The following PHLDB2 variants were observed in gnomAD, a reference collection of about 807,000 sequenced individuals.
The protein encoded by PHLDB2 is pleckstrin homology like domain family B member 2.
PHLDB2 carries 71 observed loss-of-function variants against 123.6 expected under a neutral mutation model. The ratio of observed to expected loss-of-function variants is 0.57; its 90% CI spans 0.47 to 0.70. The LOEUF (loss-of-function observed/expected upper bound fraction) is 0.70. PHLDB2 is among the 30% of genes least tolerant of loss of function. The pLI, the probability that PHLDB2 is intolerant of heterozygous loss-of-function variation, is 0.00. For missense variants in PHLDB2, 1,446 were observed against 1,519.5 expected (o/e 0.95, Z 0.80); for synonymous variants, 547 against 541.6 (o/e 1.01, Z -0.14).
chr3:111,876,951 T>G (rs1296905070), intron 1 of PHLDB2, among the ~76,000 whole-genome samples: 1 of 152,276 alleles, frequency 6.6e-6, no homozygotes, highest in African/African-American at 2.4e-5. Flanking sequence ...TGCTACATTT[T>G]CTTTATCCAG....
In PHLDB2 at chr3:111,862,487, A is replaced by C. The variant is rs569854845; in HGVS notation, c.-15+2911A>C. 5.3e-5 allele frequency among the ~76,000 whole-genome samples: 8 copies of C among 152,284 alleles called. No individual in the cohort carries two copies. The East Asian group carries it at 1.5e-3, about 29-fold the overall frequency. On this transcript the variant is annotated intron_variant, in intron 1 of 17. Transcript: ENST00000431670. ...TTTGGTTGTAGCAACTGACAGGAGG[A>C]GAGTGCTACTGCCATATAGTGGGTA...
At chr3:111,939,430 G>T in intron 6 of PHLDB2, 45 bp from the exon 7 acceptor site, 1 of 1,560,762 alleles carries the variant, frequency 6.4e-7, no homozygotes, top group Non-Finnish European at 8.7e-7. Context: ...TAAGAAGGTG[G>T]TAGTTATCTC....
intron 2 of PHLDB2, among the ~76,000 whole-genome samples, chr3:111,891,604 G>A (rs1028696402): frequency 6.6e-6 from 1 of 151,984 alleles, no homozygotes; most frequent in Non-Finnish European, 1.5e-5. Context: ...GAAATAAAGT[G>A]CCCAATAAAT....
At chr3:111,815,838 C>T (rs979270272) in intron 1 of PHLDB2, among the ~76,000 whole-genome samples, 3 of 152,232 alleles carry the variant, frequency 2.0e-5, no homozygotes, top group South Asian at 4.1e-4. Context: ...CAGGGCATGT[C>T]GAGGTCTTTA....
chr3:111,975,583 T>C lies in PHLDB2; in HGVS notation c.*1020T>C, dbSNP rs548952577. 6.6e-6 allele frequency: 1 copy of C among 152,338 alleles called. No homozygotes were observed. Among genetic ancestry groups the C allele is most frequent in the Non-Finnish European group, 1.5e-5 (1 of 68,040 alleles). 9.4% of individuals were successfully genotyped at this position (152,338 alleles called of 1,614,324 possible). On this transcript the variant is annotated 3_prime_UTR_variant, in exon 18 of 18. Coordinates refer to ENST00000431670, the MANE Select transcript of PHLDB2 (RefSeq NM_001134438.2). ...AACATACTTATTTGCAGAAGTGGTG[T>C]AGTTCTATAAAACGGCAAATGAAGT...
chr3:111,814,291 G>GA (rs1208092973), intron 1 of PHLDB2, among the ~76,000 whole-genome samples: 428 of 117,944 alleles, frequency 3.6e-3, no homozygotes, highest in African/African-American at 0.012. Flanking sequence ...ATATAAGCAG[G>GA]AAAAAAAAAT....
At chr3:111,837,483 C>T (rs1237308829) in intron 1 of PHLDB2, among the ~76,000 whole-genome samples, 1 of 152,040 alleles carries the variant, frequency 6.6e-6, no homozygotes, top group Non-Finnish European at 1.5e-5. Flanking sequence ...AAAGTGTGTG[C>T]TGTACTCAAA....
chr3:111,928,599 A>G (rs2068938954), intron 5 of PHLDB2, among the ~76,000 whole-genome samples: 1 of 152,162 alleles, frequency 6.6e-6, no homozygotes, highest in Non-Finnish European at 1.5e-5. Flanking sequence ...TTTTCTTTCA[A>G]TTGTTATTGA....
At chr3:111,918,008 A>T (rs931308634) in intron 3 of PHLDB2, among the ~76,000 whole-genome samples, 1 of 152,228 alleles carries the variant, frequency 6.6e-6, no homozygotes, top group Non-Finnish European at 1.5e-5. Context: ...ATCCAAAAAA[A>T]TTACTTCTTT....
intron 1 of PHLDB2, among the ~76,000 whole-genome samples, chr3:111,761,977 C>A (rs537768730): frequency 6.6e-6 from 1 of 152,092 alleles, no homozygotes; most frequent in African/African-American, 2.4e-5. Flanking sequence ...TGTATGTTCA[C>A]CTAAAAGGGG....
At chr3:111,739,576 A>AG (rs2059564212) in intron 1 of PHLDB2, among the ~76,000 whole-genome samples, 1 of 5,428 alleles carries the variant, frequency 1.8e-4, no homozygotes, top group African/African-American at 2.4e-4. Flanking sequence ...CTGAAGTTAA[A>AG]AAAAAAAAAA....
chr3:111,943,519 T>C (rs1010431032), intron 8 of PHLDB2, among the ~76,000 whole-genome samples: 2 of 152,072 alleles, frequency 1.3e-5, no homozygotes, highest in African/African-American at 4.8e-5. Context: ...CACAACATAT[T>C]AAGAACCTGT....
At chr3:111,874,795 G>C (rs1434544031) in intron 1 of PHLDB2, among the ~76,000 whole-genome samples, 2 of 152,158 alleles carry the variant, frequency 1.3e-5, no homozygotes, top group Non-Finnish European at 2.9e-5. Flanking sequence ...ATAAATGTCT[G>C]ATAAACAGTA....
chr3:111,751,171 GTGT>G (rs1559811453), intron 1 of PHLDB2, among the ~76,000 whole-genome samples: 2 of 78,510 alleles, frequency 2.5e-5, no homozygotes, highest in African/African-American at 9.8e-5. Context: ...ACAATGGGGT[GTGT>G]GTGTGTGTGT....
chr3:111,844,463 T>G (rs1358139486), intron 1 of PHLDB2, among the ~76,000 whole-genome samples: 2 of 152,230 alleles, frequency 1.3e-5, no homozygotes, highest in Admixed American at 6.5e-5. Flanking sequence ...CTCTCTCCCC[T>G]GTACACACCT....
At chr3:111,832,739 AAT>A (rs1233732050) in intron 1 of PHLDB2, among the ~76,000 whole-genome samples, 199 of 41,210 alleles carry the variant, frequency 4.8e-3, no homozygotes, top group African/African-American at 0.02. Context: ...TTATACATAT[AAT>A]ATATATAATA....
chr3:111,781,274 C>A (rs2060466153), intron 1 of PHLDB2, among the ~76,000 whole-genome samples: 1 of 151,996 alleles, frequency 6.6e-6, no homozygotes, highest in Admixed American at 6.6e-5. Context: ...TCTCTCTCCA[C>A]CTGCTTTCCT....
chr3:111,930,263 A>G (rs533680583), intron 5 of PHLDB2, among the ~76,000 whole-genome samples: 1 of 152,086 alleles, frequency 6.6e-6, no homozygotes, highest in East Asian at 1.9e-4. Flanking sequence ...GAGCATCAGG[A>G]GTACTTTTGT....
Position 111,976,143 on chromosome 3 carries a change from T to A in PHLDB2, c.*1580T>A, listed in dbSNP as rs1300645282. On this transcript the variant is annotated 3_prime_UTR_variant, in exon 18 of 18. Coordinates refer to ENST00000431670, the MANE Select transcript of PHLDB2 (RefSeq NM_001134438.2). The stretch of plus-strand genomic sequence containing the variant: ...AAGATATGACTTTTCTGCACTGTAC[T>A]CTCTTCATAGGATTGTAAAGGTGTT... The A allele has an allele frequency of 6.6e-6, 1 of 151,828 alleles. No individual in the cohort carries two copies. The highest frequency in any genetic ancestry group is 1.5e-5 in the Non-Finnish European group (1 of 68,032). 9.4% of individuals were successfully genotyped at this position (151,828 alleles called of 1,614,324 possible).
Sources: allele counts gnomAD v4.1 joint callset (sites outside exome capture counted in the v4.1 genomes callset), GRCh38; gene constraint gnomAD v4.1.1; transcripts MANE v1.5; gene names NCBI Gene and HGNC (gene_info 2026-07-23, HGNC 2026-07-21).